Variants in VPS13B observed in about 807,000 individuals in gnomAD.
VPS13B encodes the protein intermembrane lipid transfer protein VPS13B.
Under a neutral mutation model 426.4 loss-of-function variants are expected in VPS13B, and 285 were observed. The observed-to-expected ratio is 0.67, with a 90% CI of 0.61 to 0.74. The LOEUF (loss-of-function observed/expected upper bound fraction) is 0.74. Among genes scored for constraint, VPS13B ranks in the 30% least tolerant of loss-of-function variants. The pLI, the probability that VPS13B is intolerant of heterozygous loss-of-function variation, is 0.00. For synonymous variants in VPS13B, 1,676 were observed against 1,676.4 expected (o/e 1.00, Z 0.01); for missense variants, 4,537 against 4,782.6 (o/e 0.95, Z 1.51).
At chr8:99,803,380 T>C (rs986054338) in intron 43 of VPS13B, among the ~76,000 whole-genome samples, 5 of 152,210 alleles carry the variant, frequency 3.3e-5, no homozygotes, top group Non-Finnish European at 5.9e-5. Context: ...CCAACACTTA[T>C]ATCACGACAA....
intron 3 of VPS13B, among the ~76,000 whole-genome samples, chr8:99,047,828 C>T (rs1375580736): frequency 1.3e-5 from 2 of 152,110 alleles, no homozygotes; most frequent in East Asian, 1.9e-4. Flanking sequence ...GCTGGGACTA[C>T]AGGCACCTGC....
At chr8:99,618,558 G>C (rs1828209670) in intron 33 of VPS13B, among the ~76,000 whole-genome samples, 1 of 152,182 alleles carries the variant, frequency 6.6e-6, no homozygotes, top group Non-Finnish European at 1.5e-5. Context: ...ATTACTATAT[G>C]ATCTTTGATG....
Position 99,870,855 on chromosome 8 carries a change from C to T in VPS13B, c.11463C>T (p.Asp3821=). ...ATCAGCCAAGTGATCTACATGCTGA[C>T]CAGGCTCCAAACAGCCATGTCAAAT... ...QRHQPSDLHA[D]QAPNSHVKYV... The change falls in exon 60 of 62, where the codon GAC becomes GAT. Residue 3821 remains aspartate (D), a synonymous_variant. Transcript: ENST00000357162. The T allele has an allele frequency of 1.2e-6, 2 of 1,614,208 alleles. No homozygotes were observed. Among genetic ancestry groups the T allele is most frequent in the Non-Finnish European group, 1.7e-6 (2 of 1,180,032 alleles).
intron 17 of VPS13B, among the ~76,000 whole-genome samples, chr8:99,253,603 A>G (rs544202024): frequency 6.6e-6 from 1 of 151,998 alleles, no homozygotes; most frequent in South Asian, 2.1e-4. Flanking sequence ...TTCACTTTCA[A>G]CTTGCCTACA....
At chr8:99,094,265 A>G (rs894527187) in intron 3 of VPS13B, among the ~76,000 whole-genome samples, 5 of 152,178 alleles carry the variant, frequency 3.3e-5, no homozygotes, top group African/African-American at 7.2e-5. Flanking sequence ...AGACAACCAT[A>G]TGTTTCAAAA....
In VPS13B at chr8:99,817,603, G is replaced by T. The variant is rs748674763; in HGVS notation, c.8161G>T (p.Val2721Phe). ...YLSQSIELKV[V>F]QHYIGQDGQA... Reference sequence around the variant, plus strand: ...GTCTCAAAGCATAGAACTAAAAGTCGTTCAGCATTACATTGGTCAAGATGG... The same window carrying T: ...GTCTCAAAGCATAGAACTAAAAGTCTTTCAGCATTACATTGGTCAAGATGG... The change falls in exon 45 of 62, where the codon GTT becomes TTT. Residue 2721 changes from valine (V) to phenylalanine (F), a missense_variant. Transcript: ENST00000357162. The T allele has an allele frequency of 4.3e-6, 7 of 1,614,016 alleles. No homozygotes were observed. The highest frequency in any genetic ancestry group is 1.1e-5 in the South Asian group (1 of 91,086).
intron 22 of VPS13B, among the ~76,000 whole-genome samples, chr8:99,434,721 G>A (rs1389929216): frequency 6.6e-6 from 1 of 152,138 alleles, no homozygotes; most frequent in Non-Finnish European, 1.5e-5. Flanking sequence ...AAAATTAAGA[G>A]AAGAATGGGG....
intron 3 of VPS13B, among the ~76,000 whole-genome samples, chr8:99,044,042 T>G (rs1050106969): frequency 2.0e-5 from 3 of 151,738 alleles, no homozygotes; most frequent in Non-Finnish European, 4.4e-5. Context: ...CTTCTTTTCT[T>G]TTCTTTATAA....
intron 16 of VPS13B, among the ~76,000 whole-genome samples, chr8:99,183,299 A>G (rs1262073295): frequency 1.3e-5 from 2 of 152,194 alleles, no homozygotes; most frequent in South Asian, 2.1e-4. Flanking sequence ...TGAAGTTTAT[A>G]TAGGTTAATG....
intron 33 of VPS13B, among the ~76,000 whole-genome samples, chr8:99,638,114 A>T (rs1338316723): frequency 2.6e-5 from 4 of 152,088 alleles, no homozygotes; most frequent in African/African-American, 7.2e-5. Context: ...ACTTATTTTG[A>T]TAACAATTAT....
chr8:99,275,759 C>T (rs936221579), intron 19 of VPS13B, among the ~76,000 whole-genome samples: 1 of 152,090 alleles, frequency 6.6e-6, no homozygotes, highest in African/African-American at 2.4e-5. Context: ...TTATTCAACA[C>T]TGTAATAGCA....
Position 99,275,263 on chromosome 8 carries a change from A to G in VPS13B, c.2824+9A>G. The G allele has an allele frequency of 6.3e-7, 1 of 1,598,710 alleles. No homozygotes were observed. Among genetic ancestry groups the G allele is most frequent in the Non-Finnish European group, 8.5e-7 (1 of 1,174,758 alleles). ...CTACTGCCACAATTCCGGTAAGTAC[A>G]AACCTATCATTATTCCCTTGTTTTG... On this transcript the variant is annotated intron_variant, in intron 19 of 61. Coordinates refer to ENST00000357162, the MANE Select transcript of VPS13B (RefSeq NM_152564.5).
intron 36 of VPS13B, among the ~76,000 whole-genome samples, chr8:99,706,953 G>A (rs1421299558): frequency 6.6e-6 from 1 of 152,124 alleles, no homozygotes; most frequent in Non-Finnish European, 1.5e-5. Context: ...CCAGTAGGCT[G>A]TTTGCTAGGA....
chr8:99,856,670 G>A (rs1816566393), intron 56 of VPS13B, among the ~76,000 whole-genome samples: 1 of 152,274 alleles, frequency 6.6e-6, no homozygotes, highest in Non-Finnish European at 1.5e-5. Context: ...GTGAAACCCT[G>A]TCTCTACTAA....
chr8:99,865,073 A>G (rs1408575180), intron 58 of VPS13B, among the ~76,000 whole-genome samples: 1 of 152,148 alleles, frequency 6.6e-6, no homozygotes. Context: ...CCAGGTCAGC[A>G]GGGAAAAGTG....
intron 23 of VPS13B, among the ~76,000 whole-genome samples, chr8:99,462,330 T>C (rs1818884609): frequency 6.6e-6 from 1 of 152,172 alleles, no homozygotes; most frequent in Admixed American, 6.6e-5. Flanking sequence ...TTTTTGGTTG[T>C]CAAATCGATT....
At chr8:99,754,545 A>G (rs1359463881) in intron 39 of VPS13B, among the ~76,000 whole-genome samples, 1 of 152,166 alleles carries the variant, frequency 6.6e-6, no homozygotes, top group African/African-American at 2.4e-5. Flanking sequence ...CTGTCCATTT[A>G]TCCCTATCTC....
intron 3 of VPS13B, among the ~76,000 whole-genome samples, chr8:99,080,077 A>G (rs1845361404): frequency 6.6e-6 from 1 of 150,888 alleles, no homozygotes; most frequent in Non-Finnish European, 1.5e-5. Flanking sequence ...AATTATATAT[A>G]ACATTAATGT....
chr8:99,054,933 A>G (rs780994936), intron 3 of VPS13B, among the ~76,000 whole-genome samples: 3 of 151,382 alleles, frequency 2.0e-5, no homozygotes, highest in Admixed American at 6.6e-5. Context: ...ATTTTATTCC[A>G]TTGGTTTGTG....
Sources: gnomAD v4.1 joint callset for allele counts (sites outside exome capture counted in the v4.1 genomes callset) on GRCh38, gnomAD v4.1.1 for gene constraint, MANE v1.5 for transcripts, NCBI Gene and HGNC (gene_info 2026-07-23, HGNC 2026-07-21) for gene names.